SNX29: variants seen among roughly 807,000 people sequenced by gnomAD.
SNX29 encodes sorting nexin 29.
Under a neutral mutation model 102.1 loss-of-function variants are expected in SNX29, and 78 were observed. The observed-to-expected ratio is 0.76, with a 90% confidence interval of 0.64 to 0.92. The LOEUF is 0.92. SNX29 is among the 40% of genes least tolerant of loss of function. The pLI, the probability that SNX29 is intolerant of heterozygous loss-of-function variation, is 0.00. For missense variants in SNX29, 1,280 were observed against 1,061.7 expected, an observed-to-expected ratio of 1.21 and a Z score of -2.86; for synonymous variants, 580 against 414.5, an observed-to-expected ratio of 1.40 and a Z score of -4.85.
intron 20 of SNX29, among the ~76,000 whole-genome samples, chr16:12,542,927 A>T (rs953924988): frequency 1.3e-5 from 2 of 152,144 alleles, no homozygotes; most frequent in Non-Finnish European, 2.9e-5. Flanking sequence ...TAGCAAAACT[A>T]TAGAGCCCTA....
chr16:12,563,322 G>T (rs541635064), intron 20 of SNX29, among the ~76,000 whole-genome samples: 2 of 152,260 alleles, frequency 1.3e-5, no homozygotes, highest in East Asian at 3.9e-4. Context: ...ACTGGAGAGA[G>T]TCACCGTCGA....
In SNX29 at chr16:12,098,827, C is replaced by T. The variant is rs1442625123; in HGVS notation, c.1402+19912C>T. ...TCTAACAGTCAGAGGTAGAGACCCC[C>T]CTCAGGGCAGTTCCTGAGCACACCT... On this transcript the variant is annotated intron_variant, in intron 11 of 20. Coordinates refer to ENST00000566228, the MANE Select transcript of SNX29 (RefSeq NM_032167.5). This position sits in a 1 kb window ranked among gnomAD's most constrained non-coding sequence, Gnocchi z 6.0. Among the ~76,000 whole-genome samples, 1 of 152,200 alleles carries T rather than the reference C, an allele frequency of 6.6e-6. No individual in the cohort carries two copies. The highest frequency in any genetic ancestry group is 1.5e-5 in the Non-Finnish European group (1 of 68,036).
chr16:12,180,662 T>C (rs751505116), intron 13 of SNX29, among the ~76,000 whole-genome samples: 1 of 152,166 alleles, frequency 6.6e-6, no homozygotes, highest in Non-Finnish European at 1.5e-5. Context: ...TTTTTAAATA[T>C]TTTTAGTAGA....
intron 1 of SNX29, among the ~76,000 whole-genome samples, chr16:11,987,553 C>T (rs139453786): frequency 3.9e-5 from 6 of 152,036 alleles, no homozygotes; most frequent in East Asian, 1.9e-4. Flanking sequence ...CGTGCCACCA[C>T]GCCCAGCTAA....
chr16:12,034,199 A>G (rs1341773977), intron 4 of SNX29, among the ~76,000 whole-genome samples: 1 of 152,174 alleles, frequency 6.6e-6, no homozygotes, highest in Non-Finnish European at 1.5e-5. Context: ...TTGGGCAACA[A>G]TTTCATTTCT....
intron 16 of SNX29, among the ~76,000 whole-genome samples, chr16:12,389,770 C>T (rs2083459173): frequency 6.6e-6 from 1 of 152,166 alleles, no homozygotes; most frequent in Non-Finnish European, 1.5e-5. Flanking sequence ...AGCCTTGAAA[C>T]ATCTCCTGGA....
rs928413872 is a variant in SNX29, at chr16:12,573,188, G to A, written c.*4559G>A. On this transcript the variant is annotated 3_prime_UTR_variant, in exon 21 of 21. Coordinates refer to ENST00000566228, the MANE Select transcript of SNX29 (RefSeq NM_032167.5). ...AGAAGTAAGGGTGTAGCCATCCAGG[G>A]TCTCCCGGCTCTAGGCAGACCGGAT... is the stretch of plus-strand genomic sequence containing the variant. 3 of 226,100 alleles carry A rather than the reference G, an allele frequency of 1.3e-5. No individual in the cohort carries two copies. The highest frequency in any genetic ancestry group is 2.2e-5 in the African/African-American group (1 of 44,952). 14.0% of individuals were successfully genotyped at this position (226,100 alleles called of 1,614,324 possible).
intron 15 of SNX29, among the ~76,000 whole-genome samples, chr16:12,307,707 C>T (rs1567421018): frequency 2.0e-5 from 3 of 152,188 alleles, no homozygotes; most frequent in Non-Finnish European, 1.5e-5. Flanking sequence ...GTCTTGAGGG[C>T]CTGCCTGTCT....
intron 18 of SNX29, among the ~76,000 whole-genome samples, chr16:12,448,668 C>G (rs1335058624): frequency 2.0e-5 from 3 of 152,136 alleles, no homozygotes; most frequent in African/African-American, 7.2e-5. Flanking sequence ...AAAAGCCTGA[C>G]TTTATCGCAT....
At chr16:12,359,011 T>A (rs528608764) in intron 16 of SNX29, among the ~76,000 whole-genome samples, 8 of 152,316 alleles carry the variant, frequency 5.3e-5, no homozygotes, top group African/African-American at 1.7e-4. Flanking sequence ...TCTAGCAAAT[T>A]AATGGAACCC....
At chr16:12,262,698 G>C (rs1312738970) in intron 14 of SNX29, among the ~76,000 whole-genome samples, 3 of 152,250 alleles carry the variant, frequency 2.0e-5, no homozygotes, top group African/African-American at 7.2e-5. Flanking sequence ...GACCAGGGCA[G>C]TGATGAAGGG....
At chr16:12,234,908 G>A (rs149032531) in intron 14 of SNX29, among the ~76,000 whole-genome samples, 3 of 152,188 alleles carry the variant, frequency 2.0e-5, no homozygotes, top group Admixed American at 6.5e-5. Context: ...TACCTTACAC[G>A]TGGCTCTCAT....
intron 1 of SNX29, among the ~76,000 whole-genome samples, chr16:11,986,363 C>T (rs1192404199): frequency 7.0e-5 from 9 of 128,944 alleles, no homozygotes; most frequent in Non-Finnish European, 1.2e-4. Context: ...CTGCTCTTTC[C>T]TCCTACAACT....
intron 14 of SNX29, among the ~76,000 whole-genome samples, chr16:12,219,229 C>T (rs889552489): frequency 3.3e-5 from 5 of 151,560 alleles, no homozygotes; most frequent in East Asian, 1.9e-4. Context: ...CATGTTATAT[C>T]GTCAGTTGTC....
intron 13 of SNX29, among the ~76,000 whole-genome samples, chr16:12,177,253 A>G (rs2076281387): frequency 6.6e-6 from 1 of 152,024 alleles, no homozygotes; most frequent in South Asian, 2.1e-4. Flanking sequence ...TGCCTGGCTG[A>G]GTTCAGGTTT....
intron 8 of SNX29, among the ~76,000 whole-genome samples, chr16:12,059,458 C>A (rs1175311295): frequency 6.6e-6 from 1 of 152,226 alleles, no homozygotes; most frequent in African/African-American, 2.4e-5. Flanking sequence ...TTTGCCCCCA[C>A]CCTGCTGTCT....
chr16:12,311,769 T>G (rs1032932657), intron 15 of SNX29, among the ~76,000 whole-genome samples: 5 of 152,272 alleles, frequency 3.3e-5, no homozygotes, highest in Non-Finnish European at 7.3e-5. Context: ...TCTGTACATC[T>G]CTGCTGTATC....
intron 19 of SNX29, among the ~76,000 whole-genome samples, chr16:12,487,730 A>C (rs1352510479): frequency 6.6e-6 from 1 of 152,212 alleles, no homozygotes; most frequent in Non-Finnish European, 1.5e-5. Flanking sequence ...GGGAGTTCAC[A>C]CACCATCCCC....
intron 18 of SNX29, among the ~76,000 whole-genome samples, chr16:12,404,559 C>G (rs751976032): frequency 6.6e-6 from 1 of 152,072 alleles, no homozygotes; most frequent in Non-Finnish European, 1.5e-5. Flanking sequence ...TTGTTTTATT[C>G]CCCATGAGCT....
Sources: allele counts gnomAD v4.1 joint callset (sites outside exome capture counted in the v4.1 genomes callset), GRCh38; gene constraint gnomAD v4.1.1; non-coding constraint Gnocchi (gnomAD v3.1); transcripts MANE v1.5; gene names NCBI Gene and HGNC (gene_info 2026-07-23, HGNC 2026-07-21).